The following PPP1R13L variants were observed in gnomAD, a reference collection of about 807,000 sequenced individuals.
PPP1R13L encodes the protein protein phosphatase 1 regulatory subunit 13 like, also known as relA-associated inhibitor.
PPP1R13L carries 50 observed loss-of-function variants against 80.9 expected under a neutral mutation model. The observed-to-expected ratio is 0.62, with a 90% CI of 0.49 to 0.78. The LOEUF is 0.78. Ranked by LOEUF, PPP1R13L falls within the 30% of genes least tolerant of loss-of-function variation. The pLI, the probability that PPP1R13L is intolerant of heterozygous loss-of-function variation, is 0.00. For missense variants in PPP1R13L, 1,200 were observed against 1,205.9 expected (o/e 1.00, Z 0.07); for synonymous variants, 602 against 534.3 (o/e 1.13, Z -1.75).
At chr19:45,390,054 A>G (rs990226302) in intron 8 of PPP1R13L, among the ~76,000 whole-genome samples, 9 of 150,972 alleles carry the variant, frequency 6.0e-5, no homozygotes, top group Admixed American at 1.3e-4. Flanking sequence ...GCCTCCCAAA[A>G]TGCTGGGATT....
At chr19:45,401,964 C>T (rs1973241869) in intron 1 of PPP1R13L, 1 of 152,070 alleles carries the variant, frequency 6.6e-6, no homozygotes, top group African/African-American at 2.4e-5. Flanking sequence ...ATCATCAAAT[C>T]TGGCAGCACC....
intron 12 of PPP1R13L, among the ~76,000 whole-genome samples, chr19:45,381,288 C>T (rs12976252): frequency 0.19 from 28,522 of 151,068 alleles, 3,120 homozygotes; most frequent in Middle Eastern, 0.31. Flanking sequence ...TCTAGAACTC[C>T]TGACCTCAGG....
At position 45,391,981 on chromosome 19, in the gene PPP1R13L, C is replaced by T; in HGVS notation, c.1714G>A (p.Gly572Arg). The stretch of plus-strand genomic sequence containing the variant: ...GGGGGCCCTGCCCTGGCCTCAGATC[C>T]CTCAGTGATGGGGGACAGCTCTGGC... Reference protein sequence around the residue: ...PEPELSPITEGSEARAGPPAP... With the variant: ...PEPELSPITERSEARAGPPAP... The change falls in exon 8 of 13, where the codon GGA becomes AGA. Residue 572 changes from glycine to arginine, a missense_variant. This residue lies in a region of PPP1R13L where 214 missense variants were observed against 199.6 expected (regional missense o/e 1.07). Coordinates refer to ENST00000360957, the MANE Select transcript of PPP1R13L (RefSeq NM_006663.4). 7.2e-6 allele frequency: 11 copies of T among 1,527,514 alleles called. No individual in the cohort carries two copies. Among genetic ancestry groups the T allele is most frequent in the South Asian group, 1.3e-5 (1 of 76,944 alleles). 94.6% of individuals were successfully genotyped at this position (1,527,514 alleles called of 1,614,324 possible).
In PPP1R13L at chr19:45,398,046, A is replaced by G; in HGVS notation, c.157T>C (p.Ser53Pro). 1 of 1,614,016 alleles carries G rather than the reference A, an allele frequency of 6.2e-7. No individual in the cohort carries two copies. Among genetic ancestry groups the G allele is most frequent in the South Asian group, 1.1e-5 (1 of 91,068 alleles). ...TKQLESLWSD[S>P]PAPPGPQAGP... Reference sequence around the variant, plus strand: ...GCCTGCGGGCCAGGAGGCGCGGGAGAGTCTGACCACAGCGACTCCAGCTGC... The same window carrying G: ...GCCTGCGGGCCAGGAGGCGCGGGAGGGTCTGACCACAGCGACTCCAGCTGC... The change falls in exon 3 of 13, where the codon TCT becomes CCT. Residue 53 changes from serine (S) to proline (P), a missense_variant. Physicochemically the swap from Ser to Pro is moderately conservative, Grantham distance 74 (BLOSUM62 -1). Coordinates refer to ENST00000360957, the MANE Select transcript of PPP1R13L (RefSeq NM_006663.4).
At chr19:45,397,741 C>A (rs1973141609) in intron 3 of PPP1R13L, among the ~76,000 whole-genome samples, 1 of 151,860 alleles carries the variant, frequency 6.6e-6, no homozygotes, top group East Asian at 1.9e-4. Flanking sequence ...CGTGAACCAC[C>A]GTGCCCAGCC....
Position 45,395,632 on chromosome 19 carries a change from C to T in PPP1R13L, c.1158G>A (p.Gly386=), listed in dbSNP as rs199542828. ...FKLQNAFWEH[G]ASRAMLPGSP... is the part of the protein sequence containing the mutation. ...ACCCAGGGAGCATGGCGCGGCTGGC[C>T]CCGTGCTCCCAGAAGGCGTTCTGCA... The change falls in exon 7 of 13, where the codon GGG becomes GGA. Residue 386 remains glycine, a synonymous_variant. Coordinates refer to ENST00000360957, the MANE Select transcript of PPP1R13L (RefSeq NM_006663.4). The T allele has an allele frequency of 1.1e-4, 156 of 1,474,370 alleles. No homozygotes were observed. Among genetic ancestry groups the T allele is most frequent in the Non-Finnish European group, 1.3e-4 (141 of 1,118,268 alleles). 91.3% of individuals were successfully genotyped at this position (1,474,370 alleles called of 1,614,324 possible). A position where few individuals can be genotyped will look rare whatever the true frequency, so the allele number is the denominator to read the frequency against.
intron 1 of PPP1R13L, among the ~76,000 whole-genome samples, chr19:45,400,088 G>C (rs747398891): frequency 2.0e-5 from 3 of 151,978 alleles, no homozygotes; most frequent in Non-Finnish European, 4.4e-5. Flanking sequence ...AGGTCACCCT[G>C]CAAGAAGTCG....
intron 1 of PPP1R13L, among the ~76,000 whole-genome samples, chr19:45,399,415 G>C (rs1599778354): frequency 6.9e-6 from 1 of 145,152 alleles, no homozygotes; most frequent in East Asian, 2.2e-4. Flanking sequence ...ACGAGGTCAG[G>C]AGAGCGAGAC....
At chr19:45,385,166 C>A (rs1279828399) in intron 11 of PPP1R13L, among the ~76,000 whole-genome samples, 2 of 152,194 alleles carry the variant, frequency 1.3e-5, no homozygotes, top group East Asian at 3.9e-4. Flanking sequence ...TTTCTGGCAG[C>A]TGTAGCCTGC....
At chr19:45,387,609 C>G (rs956333840) in intron 8 of PPP1R13L, among the ~76,000 whole-genome samples, 6 of 152,084 alleles carry the variant, frequency 3.9e-5, no homozygotes, top group Admixed American at 6.6e-5. Context: ...GGCTGGAGTG[C>G]AGTGGTGCGA....
At chr19:45,397,555 T>G (rs898014864) in intron 3 of PPP1R13L, among the ~76,000 whole-genome samples, 1 of 148,706 alleles carries the variant, frequency 6.7e-6, no homozygotes, top group Non-Finnish European at 1.5e-5. Flanking sequence ...CTCCCTGGCT[T>G]AGTGTGATCC....
At position 45,396,355 on chromosome 19, in the gene PPP1R13L, T is replaced by A. The variant is rs141512960; in HGVS notation, c.794A>T (p.Gln265Leu). The A allele has an allele frequency of 2.5e-6, 4 of 1,613,998 alleles. No individual in the cohort carries two copies. Among genetic ancestry groups the A allele is most frequent in the African/African-American group, 2.7e-5 (2 of 74,928 alleles). ...CCACTCACGTTCATAGCTCGCTGTC[T>A]GCGAAGGCTTCTTCTCGTACGCCAC... ...LDVAYEKKPS[Q>L]TASYERLDVF... The change falls in exon 5 of 13, where the codon CAG becomes CTG. Residue 265 changes from glutamine (Q) to leucine (L), a missense_variant. Physicochemically the swap from Gln to Leu is moderately radical, Grantham distance 113 (BLOSUM62 -2). Coordinates refer to ENST00000360957, the MANE Select transcript of PPP1R13L (RefSeq NM_006663.4). The surrounding 1 kb of genome is among the most constrained non-coding windows in gnomAD (Gnocchi z 5.3).
chr19:45,380,153 T>C lies in PPP1R13L; in HGVS notation c.*37A>G. 1.2e-6 allele frequency: 2 copies of C among 1,611,144 alleles called. No individual in the cohort carries two copies. Among genetic ancestry groups the C allele is most frequent in the Admixed American group, 1.7e-5 (1 of 59,978 alleles). The stretch of plus-strand genomic sequence containing the variant: ...AGGTCTGGAGGGAAGGCAGGAATGC[T>C]TGTTTCTGTCAGCCTCAGAAACCTC... On this transcript the variant is annotated 3_prime_UTR_variant, in exon 13 of 13. Transcript: ENST00000360957.
chr19:45,403,671 C>A (rs557807771), intron 1 of PPP1R13L, among the ~76,000 whole-genome samples: 8 of 152,132 alleles, frequency 5.3e-5, no homozygotes, highest in Admixed American at 4.6e-4. Flanking sequence ...ACCTACCTAC[C>A]AGCTCTGAGC....
intron 1 of PPP1R13L, among the ~76,000 whole-genome samples, chr19:45,398,682 C>T (rs1363743393): frequency 6.6e-6 from 1 of 151,082 alleles, no homozygotes; most frequent in East Asian, 1.9e-4. Context: ...CTGCAACCTC[C>T]GCCTCCCGGG....
chr19:45,392,328 G>A lies in PPP1R13L; in HGVS notation c.1367C>T (p.Pro456Leu), dbSNP rs1599769722. 1.2e-6 allele frequency: 2 copies of A among 1,613,356 alleles called. No homozygotes were observed. The highest frequency in any genetic ancestry group is 1.7e-6 in the Non-Finnish European group (2 of 1,180,018). The change falls in exon 8 of 13, where the codon CCC becomes CTC. Residue 456 changes from proline to leucine, a missense_variant. Physicochemically the swap from Pro to Leu is moderately conservative, Grantham distance 98 (BLOSUM62 -3). Around this residue, in one of 5 missense-constraint regions of PPP1R13L, gnomAD observed 764 missense variants for 714.5 expected, o/e 1.07. Coordinates refer to ENST00000360957, the MANE Select transcript of PPP1R13L (RefSeq NM_006663.4). ...CGGCTCAGGCTCCAGCTCGGTGGGG[G>A]GTTTGGGGGGTCCTAGCCGGAACAA... Reference protein sequence around the residue: ...WPPVNEGPPKPPTELEPEPEI... With the variant: ...WPPVNEGPPKLPTELEPEPEI...
chr19:45,390,029 G>C (rs552039659), intron 8 of PPP1R13L, among the ~76,000 whole-genome samples: 1 of 151,994 alleles, frequency 6.6e-6, no homozygotes, highest in Non-Finnish European at 1.5e-5. Flanking sequence ...CTGACTTCGT[G>C]ATCCGCCCGC....
Position 45,386,109 on chromosome 19 carries a change from C to A in PPP1R13L, c.1887G>T (p.Val629=). Reference sequence around the variant, plus strand: ...CGGTCAGCGCCGCGTCCAGGAGGAGCACCAGAGGGTTGAGGCGCGCGCGGC... The same window carrying A: ...CGGTCAGCGCCGCGTCCAGGAGGAGAACCAGAGGGTTGAGGCGCGCGCGGC... The part of the protein sequence containing the change: ...KARRARLNPL[V]LLLDAALTGE... Residue 629 remains valine (V), a synonymous_variant, in exon 9 of 13, where the codon GTG becomes GTT. Coordinates refer to ENST00000360957, the MANE Select transcript of PPP1R13L (RefSeq NM_006663.4). The A allele has an allele frequency of 6.4e-7, 1 of 1,574,244 alleles. No individual in the cohort carries two copies. The highest frequency in any genetic ancestry group is 1.9e-5 in the Admixed American group (1 of 51,600).
intron 1 of PPP1R13L, among the ~76,000 whole-genome samples, chr19:45,402,767 G>T (rs901443997): frequency 1.3e-5 from 2 of 152,178 alleles, no homozygotes; most frequent in Non-Finnish European, 2.9e-5. Flanking sequence ...CCAGCCGCAG[G>T]TACTCTCCCC....
Sources: allele counts gnomAD v4.1 joint callset (sites outside exome capture counted in the v4.1 genomes callset), GRCh38; gene constraint gnomAD v4.1.1; regional missense constraint gnomAD v4.1.1; non-coding constraint Gnocchi (gnomAD v3.1); transcripts MANE v1.5; gene names NCBI Gene and HGNC (gene_info 2026-07-23, HGNC 2026-07-21).